The following BCAT1 variants were observed in gnomAD, a reference collection of about 807,000 sequenced individuals.
The protein encoded by BCAT1 is branched chain amino acid transaminase 1, also known as branched-chain-amino-acid aminotransferase, cytosolic.
A neutral mutation model predicts 52.4 loss-of-function variants in BCAT1; 48 were observed. The observed-to-expected ratio is 0.92, with a 90% CI of 0.73 to 1.16. The LOEUF (loss-of-function observed/expected upper bound fraction) is 1.16. BCAT1 is among the 50% of genes most tolerant of loss of function. The probability of loss-of-function intolerance (pLI) is 0.00; values close to 1 mark genes in which losing one functional copy is unlikely to be tolerated. For synonymous variants in BCAT1, 167 were observed against 161.3 expected (o/e 1.04, Z -0.27); for missense variants, 451 against 457.1 (o/e 0.99, Z 0.12).
chr12:24,858,740 AAC>A (rs1413174488), intron 5 of BCAT1, among the ~76,000 whole-genome samples: 3 of 152,260 alleles, frequency 2.0e-5, no homozygotes, highest in Admixed American at 6.5e-5. Flanking sequence ...CTACCAGAGA[AAC>A]AGTGTTACCT....
intron 7 of BCAT1, among the ~76,000 whole-genome samples, chr12:24,837,252 G>T (rs1941020028): frequency 6.7e-6 from 1 of 149,552 alleles, no homozygotes; most frequent in Non-Finnish European, 1.5e-5. Flanking sequence ...GGAATATTCT[G>T]AAGTGAAAAT....
At chr12:24,866,349 T>C (rs1942007789) in intron 5 of BCAT1, among the ~76,000 whole-genome samples, 1 of 152,204 alleles carries the variant, frequency 6.6e-6, no homozygotes, top group Non-Finnish European at 1.5e-5. Flanking sequence ...GCTCGGGACC[T>C]GCAGCCTGCC....
At chr12:24,860,603 G>A (rs1941826692) in intron 5 of BCAT1, among the ~76,000 whole-genome samples, 1 of 152,182 alleles carries the variant, frequency 6.6e-6, no homozygotes, top group African/African-American at 2.4e-5. Context: ...GACACTGCCT[G>A]TTTTACCAGG....
intron 1 of BCAT1, among the ~76,000 whole-genome samples, chr12:24,906,446 T>C (rs1404977430): frequency 6.6e-6 from 1 of 152,122 alleles, no homozygotes; most frequent in East Asian, 1.9e-4. Flanking sequence ...AGAGGTATTA[T>C]TGAATCATTG....
intron 8 of BCAT1, chr12:24,833,801 T>C (rs1940793762): frequency 6.7e-6 from 1 of 150,272 alleles, no homozygotes; most frequent in South Asian, 2.1e-4. Flanking sequence ...AATTTGGTAC[T>C]CTTTCTACGT....
chr12:24,848,602 G>A (rs889569686), intron 6 of BCAT1, among the ~76,000 whole-genome samples: 7 of 152,140 alleles, frequency 4.6e-5, no homozygotes, highest in Admixed American at 1.3e-4. Flanking sequence ...TTTTCATCAA[G>A]ACTGTTTATT....
intron 10 of BCAT1, among the ~76,000 whole-genome samples, chr12:24,824,841 T>A (rs1319460890): frequency 6.6e-6 from 1 of 152,206 alleles, no homozygotes. Context: ...TCTTTACAAT[T>A]TTTAAATGTT....
rs1198499429 is a variant in BCAT1 at position 24,812,689 on chromosome 12, C to T, written c.*5319G>A. 6.6e-6 allele frequency: 1 copy of T among 151,650 alleles called. No homozygotes were observed. The highest frequency in any genetic ancestry group is 2.4e-5 in the African/African-American group (1 of 41,350). The allele number at this position is 151,650 out of a possible 1,614,324, so 9.4% of individuals were successfully genotyped here. A position where few individuals can be genotyped will look rare whatever the true frequency, so the allele number is the denominator to read the frequency against. ...CACAAAAATATGTTTTGTTTTTTTC[C>T]CCTCCTCTATCATTCCTTTCTTCTC... is the stretch of plus-strand genomic sequence containing the variant. On this transcript the variant is annotated 3_prime_UTR_variant, in exon 11 of 11. Transcript: ENST00000261192.
chr12:24,872,224 A>T (rs1566406), intron 5 of BCAT1, among the ~76,000 whole-genome samples: 7,452 of 152,326 alleles, frequency 0.049, 600 homozygotes, highest in African/African-American at 0.17. Context: ...CTTAAGATTT[A>T]ACAAGGTGAT....
rs1941032231 is a variant in BCAT1, at chr12:24,837,509, C to T, written c.818-913G>A. Among the ~76,000 whole-genome samples, 2 of 150,830 alleles carry T rather than the reference C, an allele frequency of 1.3e-5. 1 individual carries two copies. The highest frequency in any genetic ancestry group is 4.9e-5 in the African/African-American group (2 of 40,840). On this transcript the variant is annotated intron_variant, in intron 7 of 10. Coordinates refer to ENST00000261192, the MANE Select transcript of BCAT1 (RefSeq NM_005504.7). ...TGGCACCATCTCAGCTCACTGCACCCTCTGCCTCCCAGGGTCAAGTGATTC... is the reference window on the plus strand; with the variant it reads ...TGGCACCATCTCAGCTCACTGCACCTTCTGCCTCCCAGGGTCAAGTGATTC...
intron 1 of BCAT1, among the ~76,000 whole-genome samples, chr12:24,923,289 G>C (rs1943529324): frequency 6.6e-6 from 1 of 152,190 alleles, no homozygotes; most frequent in East Asian, 1.9e-4. Flanking sequence ...TCTAAGACTA[G>C]CAGCCTCAGG....
chr12:24,942,352 C>A (rs1370980207), intron 1 of BCAT1, among the ~76,000 whole-genome samples: 2 of 151,962 alleles, frequency 1.3e-5, no homozygotes, highest in Admixed American at 6.6e-5. Context: ...ACCAGCCTGG[C>A]CAACATGGAG....
chr12:24,838,165 C>T (rs2139419375), intron 7 of BCAT1, among the ~76,000 whole-genome samples: 1 of 152,322 alleles, frequency 6.6e-6, no homozygotes, highest in Admixed American at 6.5e-5. Context: ...ACATGCCCAA[C>T]AATCAAGCTC....
intron 1 of BCAT1, among the ~76,000 whole-genome samples, chr12:24,942,625 T>G (rs925052571): frequency 3.3e-5 from 5 of 151,872 alleles, no homozygotes; most frequent in Non-Finnish European, 5.9e-5. Flanking sequence ...TGGAGTCACC[T>G]GCAAAGAACA....
chr12:24,911,572 A>T (rs1316073255), intron 1 of BCAT1, among the ~76,000 whole-genome samples: 1 of 152,210 alleles, frequency 6.6e-6, no homozygotes, highest in African/African-American at 2.4e-5. Flanking sequence ...CTGACATTCC[A>T]GTGGAGTCTG....
At chr12:24,888,309 G>T (rs1262677486) in intron 3 of BCAT1, among the ~76,000 whole-genome samples, 9 of 152,118 alleles carry the variant, frequency 5.9e-5, no homozygotes, top group African/African-American at 2.2e-4. Context: ...GACTAGCCTG[G>T]CCAACATGAT....
At chr12:24,872,684 T>G (rs111470960) in intron 5 of BCAT1, among the ~76,000 whole-genome samples, 2 of 152,244 alleles carry the variant, frequency 1.3e-5, no homozygotes, top group Admixed American at 6.5e-5. Context: ...AAGTCACATC[T>G]GCAGGTAGCC....
chr12:24,836,567 C>T lies in BCAT1; in HGVS notation c.847G>A (p.Gly283Ser), dbSNP rs377761696. 24 of 1,612,728 alleles carry T rather than the reference C, an allele frequency of 1.5e-5. No homozygotes were observed. Among genetic ancestry groups the T allele is most frequent in the Non-Finnish European group, 1.9e-5 (23 of 1,179,502 alleles). ...EEELATPPLD[G>S]IILPGVTRRC... is the part of the protein sequence containing the mutation. ...CTTGTCACTCCTGGAAGAATGATGC[C>T]ATCTAGTGGAGGAGTTGCCAGTTCT... The change falls in exon 8 of 11, where the codon GGC becomes AGC. Residue 283 changes from glycine to serine, a missense_variant. By Grantham distance (56) the Gly-to-Ser change is moderately conservative. Transcript: ENST00000261192.
intron 6 of BCAT1, among the ~76,000 whole-genome samples, chr12:24,845,091 G>A (rs964554028): frequency 6.6e-6 from 1 of 151,422 alleles, no homozygotes; most frequent in African/African-American, 2.4e-5. Context: ...GACCACGCCT[G>A]TAATCCCACC....
Sources: allele counts gnomAD v4.1 joint callset (sites outside exome capture counted in the v4.1 genomes callset), GRCh38; gene constraint gnomAD v4.1.1; transcripts MANE v1.5; gene names NCBI Gene and HGNC (gene_info 2026-07-23, HGNC 2026-07-21).